The following GNB4 variants were observed in gnomAD, a reference collection of about 807,000 sequenced individuals.
GNB4 encodes the protein guanine nucleotide-binding protein subunit beta-4.
Under a neutral mutation model 45.2 loss-of-function variants are expected in GNB4, and 28 were observed. The observed-to-expected ratio is 0.62, with a 90% CI of 0.46 to 0.85. GNB4 has a LOEUF of 0.85. GNB4 is among the 40% of genes least tolerant of loss of function. GNB4 has a pLI of 0.00. For synonymous variants in GNB4, 132 were observed against 143.7 expected, an observed-to-expected ratio of 0.92 and a Z score of 0.58; for missense variants, 321 against 425.4, an observed-to-expected ratio of 0.75 and a Z score of 2.16.
the GNB4 span, chr3:179,464,440 CA>C: frequency 6.4e-7 from 1 of 1,553,222 alleles, no homozygotes; most frequent in East Asian, 2.2e-5. Context: ...CACCTCACGG[CA>C]GTTACAGATG....
At chr3:179,492,556 T>G in the GNB4 span, among the ~76,000 whole-genome samples, 1 of 152,246 alleles carries the variant, frequency 6.6e-6, no homozygotes, top group Admixed American at 6.5e-5. Context: ...AGCTGCAGTG[T>G]ACCCCAGAGA....
chr3:179,511,718 T>C, the GNB4 span, among the ~76,000 whole-genome samples: 1 of 152,164 alleles, frequency 6.6e-6, no homozygotes. Flanking sequence ...AGTACTATTT[T>C]AAATGTTTGT....
intron 1 of GNB4, among the ~76,000 whole-genome samples, chr3:179,448,889 G>A (rs1715802961): frequency 6.6e-6 from 1 of 151,962 alleles, no homozygotes; most frequent in Non-Finnish European, 1.5e-5. Flanking sequence ...GACCAGCCTG[G>A]GCAACACAGC....
chr3:179,415,376 A>G (rs1714767608), intron 5 of GNB4, among the ~76,000 whole-genome samples: 2 of 152,236 alleles, frequency 1.3e-5, no homozygotes, highest in African/African-American at 4.8e-5. Context: ...TAGAGGTTTT[A>G]ATAGAATTTT....
chr3:179,427,862 T>C (rs1339132054), intron 1 of GNB4, among the ~76,000 whole-genome samples: 1 of 152,160 alleles, frequency 6.6e-6, no homozygotes, highest in African/African-American at 2.4e-5. Context: ...CCTGTCCTGG[T>C]CTCTTTTCTC....
intron 2 of GNB4, among the ~76,000 whole-genome samples, chr3:179,424,050 G>A (rs544509122): frequency 2.2e-4 from 33 of 152,296 alleles, no homozygotes; most frequent in African/African-American, 3.4e-4. Flanking sequence ...AGCACAAGTC[G>A]CAGGAAAGGA....
the GNB4 span, among the ~76,000 whole-genome samples, chr3:179,526,951 G>A: frequency 3.3e-5 from 5 of 152,178 alleles, no homozygotes; most frequent in African/African-American, 9.7e-5. Context: ...ATTGTAGAAT[G>A]CATTAGGAGG....
the GNB4 span, among the ~76,000 whole-genome samples, chr3:179,479,734 T>C: frequency 6.6e-6 from 1 of 152,186 alleles, no homozygotes; most frequent in Non-Finnish European, 1.5e-5. Context: ...AGAGCATCTG[T>C]TAAAAAAAAC....
chr3:179,520,515 C>G, the GNB4 span, among the ~76,000 whole-genome samples: 1 of 152,126 alleles, frequency 6.6e-6, no homozygotes, highest in Non-Finnish European at 1.5e-5. Context: ...CGGTGGCTGC[C>G]GCCGCCCTAA....
At chr3:179,422,643 A>C (rs1715025160) in intron 2 of GNB4, among the ~76,000 whole-genome samples, 1 of 152,202 alleles carries the variant, frequency 6.6e-6, no homozygotes, top group Non-Finnish European at 1.5e-5. Context: ...TACACAAGAA[A>C]ACAAAATCTA....
chr3:179,421,012 G>A (rs902592288), intron 2 of GNB4, 85 bp from the exon 3 acceptor site: 5 of 793,350 alleles, frequency 6.3e-6, no homozygotes, highest in Non-Finnish European at 1.1e-5. Flanking sequence ...GTAGATTTGT[G>A]AATTTACTTC....
At chr3:179,459,874 A>C in the GNB4 span, among the ~76,000 whole-genome samples, 1 of 152,210 alleles carries the variant, frequency 6.6e-6, no homozygotes, top group Non-Finnish European at 1.5e-5. Context: ...ACAAAAATCA[A>C]GTAGGTGAAT....
chr3:179,437,189 T>C (rs569984662), intron 1 of GNB4, among the ~76,000 whole-genome samples: 5 of 152,312 alleles, frequency 3.3e-5, no homozygotes, highest in East Asian at 1.9e-4. Flanking sequence ...ATTCATTGTA[T>C]TGGCATAACA....
chr3:179,471,046 G>T, the GNB4 span, among the ~76,000 whole-genome samples: 2 of 151,944 alleles, frequency 1.3e-5, no homozygotes, highest in African/African-American at 2.4e-5. Context: ...GGGCGTTGTG[G>T]TGGGTGCCTG....
At chr3:179,518,489 C>G in the GNB4 span, among the ~76,000 whole-genome samples, 1 of 152,046 alleles carries the variant, frequency 6.6e-6, no homozygotes, top group Non-Finnish European at 1.5e-5. Context: ...TCTACAGACC[C>G]GTCTGACCTC....
chr3:179,423,431 C>CT, intron 2 of GNB4, among the ~76,000 whole-genome samples: 1 of 152,300 alleles, frequency 6.6e-6, no homozygotes, highest in Non-Finnish European at 1.5e-5. Context: ...TCTGCAGAAA[C>CT]ATATAAAGTG....
chr3:179,484,073 T>C, the GNB4 span, among the ~76,000 whole-genome samples: 1 of 152,158 alleles, frequency 6.6e-6, no homozygotes, highest in African/African-American at 2.4e-5. Flanking sequence ...TCTTGATCTC[T>C]GAAAATTTAT....
chr3:179,447,289 G>T (rs970321289), intron 1 of GNB4, among the ~76,000 whole-genome samples: 1 of 148,640 alleles, frequency 6.7e-6, no homozygotes, highest in Non-Finnish European at 1.5e-5. Context: ...GCAGAGAGCA[G>T]CAGATGAGAC....
the GNB4 span, among the ~76,000 whole-genome samples, chr3:179,516,821 G>A: frequency 6.6e-6 from 1 of 152,150 alleles, no homozygotes; most frequent in African/African-American, 2.4e-5. Flanking sequence ...AGAAAAACTG[G>A]CTGTGAGGGA....
Sources: allele counts gnomAD v4.1 joint callset (sites outside exome capture counted in the v4.1 genomes callset), GRCh38; gene constraint gnomAD v4.1.1; transcripts MANE v1.5; gene names NCBI Gene and HGNC (gene_info 2026-07-23, HGNC 2026-07-21).